Variants in DDAH1 observed in about 807,000 individuals in gnomAD.
The protein encoded by DDAH1 is N(G),N(G)-dimethylarginine dimethylaminohydrolase 1.
A neutral mutation model predicts 28.8 loss-of-function variants in DDAH1; 19 were observed. The ratio of observed to expected loss-of-function variants is 0.66; its 90% CI spans 0.46 to 0.97. DDAH1 has a LOEUF of 0.97. Ranked by LOEUF, DDAH1 falls within the 50% of genes least tolerant of loss-of-function variation. DDAH1 has a pLI of 0.00. For synonymous variants in DDAH1, 153 were observed against 154.4 expected (o/e 0.99, Z 0.07); for missense variants, 326 against 375.9 (o/e 0.87, Z 1.10).
At chr1:85,462,228 G>A (rs1655153473) in intron 1 of DDAH1, among the ~76,000 whole-genome samples, 1 of 152,190 alleles carries the variant, frequency 6.6e-6, no homozygotes, top group African/African-American at 2.4e-5. Context: ...GTGAGCTTCA[G>A]TGAAAGAACC....
intron 1 of DDAH1, among the ~76,000 whole-genome samples, chr1:85,378,466 T>C (rs1650800204): frequency 6.6e-6 from 1 of 152,184 alleles, no homozygotes; most frequent in Non-Finnish European, 1.5e-5. Context: ...TGGAGTGCAA[T>C]GGCACAATCA....
chr1:85,421,119 T>C (rs1653123673), intron 1 of DDAH1, among the ~76,000 whole-genome samples: 2 of 152,190 alleles, frequency 1.3e-5, no homozygotes, highest in Non-Finnish European at 2.9e-5. Flanking sequence ...ACCAAGGAGA[T>C]GGTGCTAAAC....
At chr1:85,478,782 G>T (rs911166167) in intron 2 of DDAH1, among the ~76,000 whole-genome samples, 1 of 152,198 alleles carries the variant, frequency 6.6e-6, no homozygotes, top group East Asian at 1.9e-4. Context: ...CTCATCAGAA[G>T]TGGTCATTGA....
At chr1:85,571,039 A>G (rs1659439684) in intron 1 of DDAH1, among the ~76,000 whole-genome samples, 1 of 152,200 alleles carries the variant, frequency 6.6e-6, no homozygotes, top group South Asian at 2.1e-4. Flanking sequence ...GATCCTGGAC[A>G]AGTTGCTTAA....
At chr1:85,383,736 A>T (rs896466073) in intron 1 of DDAH1, among the ~76,000 whole-genome samples, 5 of 152,240 alleles carry the variant, frequency 3.3e-5, no homozygotes, top group Admixed American at 2.6e-4. Flanking sequence ...CAACCCTGAT[A>T]GGTCGGCAGC....
intron 1 of DDAH1, among the ~76,000 whole-genome samples, chr1:85,367,125 A>C (rs72722689): frequency 0.022 from 3,279 of 152,208 alleles, 50 homozygotes; most frequent in Non-Finnish European, 0.031. Flanking sequence ...GAGATTTTTC[A>C]TTTCCCAAAC....
At chr1:85,534,055 A>G (rs1658183613) in intron 1 of DDAH1, among the ~76,000 whole-genome samples, 2 of 152,226 alleles carry the variant, frequency 1.3e-5, no homozygotes, top group South Asian at 4.1e-4. Context: ...GAATCAGTCA[A>G]TCAATCAATC....
chr1:85,464,772 G>C lies in DDAH1; in HGVS notation c.274C>G (p.Arg92Gly). The C allele has an allele frequency of 6.4e-7, 1 of 1,564,308 alleles. No homozygotes were observed. The highest frequency in any genetic ancestry group is 8.6e-7 in the Non-Finnish European group (1 of 1,160,164). Residue 92 changes from arginine to glycine, a missense_variant, in exon 1 of 6, where the codon CGA (arginine) becomes GGA (glycine). Physicochemically the swap from Arg to Gly is moderately radical, Grantham distance 125. Transcript: ENST00000284031. This position sits in a 1 kb window ranked among gnomAD's most constrained non-coding sequence, Gnocchi z 4.4. ...VVCEETALITRPGAPSRRKEV... is the reference protein window; with the variant it reads ...VVCEETALITGPGAPSRRKEV... Reference sequence around the variant, plus strand: ...TTCCTCCGGCTCGGCGCCCCGGGTCGGGTGATGAGGGCCGTCTCCTCGCAC... The same window carrying C: ...TTCCTCCGGCTCGGCGCCCCGGGTCCGGTGATGAGGGCCGTCTCCTCGCAC...
chr1:85,477,611 T>C (rs1241058512), intron 2 of DDAH1, among the ~76,000 whole-genome samples: 4 of 152,060 alleles, frequency 2.6e-5, no homozygotes, highest in Non-Finnish European at 5.9e-5. Flanking sequence ...CACACTACTG[T>C]CTCTGCTATA....
chr1:85,377,152 A>T (rs1240691340), intron 1 of DDAH1, among the ~76,000 whole-genome samples: 1 of 151,788 alleles, frequency 6.6e-6, no homozygotes, highest in African/African-American at 2.4e-5. Flanking sequence ...GGTTGGCATG[A>T]CTCTCCCCTG....
chr1:85,439,755 C>T (rs1165117013), intron 1 of DDAH1, among the ~76,000 whole-genome samples: 2 of 152,168 alleles, frequency 1.3e-5, no homozygotes, highest in Non-Finnish European at 2.9e-5. Flanking sequence ...AAATTTAACT[C>T]AGGGAGAGTG....
chr1:85,509,966 T>C (rs933586590), intron 1 of DDAH1, among the ~76,000 whole-genome samples: 2 of 152,068 alleles, frequency 1.3e-5, no homozygotes, highest in African/African-American at 4.8e-5. Flanking sequence ...AGGCCAACAT[T>C]CAAATTCAGG....
At chr1:85,336,169 A>G (rs933477349) in intron 4 of DDAH1, among the ~76,000 whole-genome samples, 3 of 152,296 alleles carry the variant, frequency 2.0e-5, no homozygotes, top group Admixed American at 2.0e-4. Flanking sequence ...AAATATATGG[A>G]ACATTTCATC....
chr1:85,521,117 C>T (rs1160538077), intron 1 of DDAH1, among the ~76,000 whole-genome samples: 2 of 152,146 alleles, frequency 1.3e-5, no homozygotes, highest in Non-Finnish European at 2.9e-5. Context: ...TGAAAATATC[C>T]CACTTCATGT....
intron 1 of DDAH1, among the ~76,000 whole-genome samples, chr1:85,516,103 C>A (rs1408581294): frequency 4.6e-5 from 7 of 151,550 alleles, no homozygotes; most frequent in Non-Finnish European, 8.8e-5. Flanking sequence ...TGTATGGCCT[C>A]ATTCTACCTT....
chr1:85,411,020 G>A (rs1652631243), intron 1 of DDAH1, among the ~76,000 whole-genome samples: 1 of 152,200 alleles, frequency 6.6e-6, no homozygotes, highest in South Asian at 2.1e-4. Flanking sequence ...CATCCATGGA[G>A]CTGAGATGAT....
intron 1 of DDAH1, among the ~76,000 whole-genome samples, chr1:85,577,593 T>A (rs2100579784): frequency 6.6e-6 from 1 of 152,226 alleles, no homozygotes. Flanking sequence ...GAAATGTAAC[T>A]AATCAGAAAC....
chr1:85,492,004 A>T (rs1656422142), intron 2 of DDAH1, among the ~76,000 whole-genome samples: 1 of 152,208 alleles, frequency 6.6e-6, no homozygotes, highest in East Asian at 1.9e-4. Flanking sequence ...CTGGTCTAAC[A>T]CTTAACATAC....
intron 1 of DDAH1, among the ~76,000 whole-genome samples, chr1:85,573,381 C>T (rs972177975): frequency 6.6e-6 from 1 of 152,218 alleles, no homozygotes; most frequent in South Asian, 2.1e-4. Flanking sequence ...CTGATTCTCT[C>T]AATCTGGAGC....
Sources: gnomAD v4.1 joint callset for allele counts (sites outside exome capture counted in the v4.1 genomes callset) on GRCh38, gnomAD v4.1.1 for gene constraint, Gnocchi (gnomAD v3.1) non-coding constraint, MANE v1.5 for transcripts, NCBI Gene and HGNC (gene_info 2026-07-23, HGNC 2026-07-21) for gene names.